RPS18: variants seen among roughly 807,000 people sequenced by gnomAD.
RPS18 encodes small ribosomal subunit protein uS13.
For synonymous variants in RPS18, 64 were observed against 70.9 expected (o/e 0.90, Z 0.49); for missense variants, 49 against 200.8 (o/e 0.24, Z 4.57).
At chr6:33,275,910 T>TG (rs1437314773) in intron 3 of RPS18, 27 bp downstream of exon 3, 1 of 1,600,302 alleles carries the variant, frequency 6.2e-7, no homozygotes, top group South Asian at 1.1e-5. Context: ...GGGCTGGGGG[T>TG]GGGGTCAGCC....
chr6:33,272,802 G>A (rs934881867), intron 2 of RPS18, 76 bp downstream of exon 2: 2 of 805,450 alleles, frequency 2.5e-6, no homozygotes, highest in African/African-American at 1.7e-5. Context: ...AATGAAGCAA[G>A]GCTGGGGAGA....
intron 2 of RPS18, among the ~76,000 whole-genome samples, chr6:33,273,817 C>G (rs548530929): frequency 6.6e-6 from 1 of 152,168 alleles, no homozygotes; most frequent in Non-Finnish European, 1.5e-5. Flanking sequence ...GTGGCTCACT[C>G]GGAGGCTGAA....
chr6:33,276,051 T>C lies in RPS18; in HGVS notation c.276T>C (p.Asp92=), dbSNP rs774624587. The C allele has an allele frequency of 1.2e-5, 19 of 1,613,682 alleles. No homozygotes were observed. Among genetic ancestry groups the C allele is most frequent in the Non-Finnish European group, 1.5e-5 (18 of 1,179,800 alleles). ...WFLNRQKDVK[D]GKYSQVLANG... Reference sequence around the variant, plus strand: ...TGAACAGACAGAAGGATGTAAAGGATGGAAAATACAGCCAGGTGTGTACTG... The same window carrying C: ...TGAACAGACAGAAGGATGTAAAGGACGGAAAATACAGCCAGGTGTGTACTG... The change falls in exon 4 of 6, where the codon GAT becomes GAC. Residue 92 remains aspartate, a synonymous_variant. Transcript: ENST00000439602.
chr6:33,272,430 A>T, intron 1 of RPS18, 198 bp from the exon 2 acceptor site: 1 of 616,152 alleles, frequency 1.6e-6, no homozygotes, highest in South Asian at 1.9e-5. Context: ...CATTTTCCCA[A>T]GCTTGAACGC....
chr6:33,273,887 C>T (rs369911840), intron 2 of RPS18, among the ~76,000 whole-genome samples: 2 of 98,462 alleles, frequency 2.0e-5, no homozygotes, highest in African/African-American at 5.1e-5. Flanking sequence ...GGTGAAACCT[C>T]GTCATTTAAT....
intron 2 of RPS18, among the ~76,000 whole-genome samples, chr6:33,274,409 T>C (rs1186050715): frequency 1.3e-5 from 2 of 151,992 alleles, no homozygotes; most frequent in African/African-American, 4.8e-5. Flanking sequence ...ACTCCTGGGC[T>C]CAGTGATCCT....
At chr6:33,273,672 G>A (rs1450904203) in intron 2 of RPS18, among the ~76,000 whole-genome samples, 1 of 152,188 alleles carries the variant, frequency 6.6e-6, no homozygotes, top group Non-Finnish European at 1.5e-5. Flanking sequence ...ATTCATAAGT[G>A]TAATAGAGAA....
chr6:33,273,194 G>A (rs1012815040), intron 2 of RPS18, among the ~76,000 whole-genome samples: 6 of 152,124 alleles, frequency 3.9e-5, no homozygotes, highest in Non-Finnish European at 5.9e-5. Context: ...GAGGGTGGAA[G>A]AAGTCTGAGT....
chr6:33,274,555 A>G (rs1765501797), intron 2 of RPS18, among the ~76,000 whole-genome samples: 1 of 152,180 alleles, frequency 6.6e-6, no homozygotes, highest in Admixed American at 6.5e-5. Flanking sequence ...TAACAAGTTC[A>G]TATAAACTAA....
intron 1 of RPS18, 136 bp from the exon 2 acceptor site, chr6:33,272,492 C>T (rs1765277511): frequency 6.9e-6 from 5 of 719,968 alleles, no homozygotes; most frequent in Non-Finnish European, 1.3e-5. Context: ...GTGTGAAAAC[C>T]TAAGGAATGG....
chr6:33,272,119 C>T lies in RPS18; in HGVS notation c.-1C>T, dbSNP rs930746014. On this transcript the variant is annotated 5_prime_UTR_variant, in exon 1 of 6. Transcript: ENST00000439602. ...TACACGCCGCCGCTTGTGCTGCAGC[C>T]ATGGTAAGACTGGAATCCGTGCCGT... is the stretch of plus-strand genomic sequence containing the variant. 2.6e-6 allele frequency: 4 copies of T among 1,567,816 alleles called. No homozygotes were observed. Among genetic ancestry groups the T allele is most frequent in the Admixed American group, 3.7e-5 (2 of 53,610 alleles).
chr6:33,273,856 C>T (rs1218807934), intron 2 of RPS18, among the ~76,000 whole-genome samples: 2 of 151,796 alleles, frequency 1.3e-5, no homozygotes, highest in African/African-American at 4.8e-5. Flanking sequence ...GTCAGGAGTT[C>T]GAGACCAGCC....
At chr6:33,273,286 T>A (rs1272919128) in intron 2 of RPS18, among the ~76,000 whole-genome samples, 1 of 152,228 alleles carries the variant, frequency 6.6e-6, no homozygotes, top group Non-Finnish European at 1.5e-5. Context: ...TCTTTGGCTT[T>A]TAAGAATCGA....
intron 2 of RPS18, 93 bp from the exon 3 acceptor site, chr6:33,275,704 C>A: frequency 1.2e-6 from 1 of 850,280 alleles, no homozygotes; most frequent in South Asian, 1.4e-5. Flanking sequence ...TAGATTATTG[C>A]AGATCCTACC....
intron 1 of RPS18, chr6:33,272,419 G>C: frequency 1.6e-6 from 1 of 610,382 alleles, no homozygotes; most frequent in Admixed American, 2.9e-5. Flanking sequence ...TCCAGAGGTT[G>C]CATTTTCCCA....
intron 1 of RPS18, 37 bp from the exon 2 acceptor site, chr6:33,272,591 C>T (rs1294424256): frequency 1.1e-6 from 1 of 900,892 alleles, no homozygotes; most frequent in Non-Finnish European, 1.9e-6. Context: ...TGATAGTTTA[C>T]TGTGTCTGAT....
chr6:33,275,971 C>T lies in RPS18; in HGVS notation c.196C>T (p.Arg66Cys). Residue 66 changes from arginine (R) to cysteine (C), a missense_variant, in exon 4 of 6, where the codon CGT (arginine) becomes TGT (cysteine). Coordinates refer to ENST00000439602, the MANE Select transcript of RPS18 (RefSeq NM_022551.3). ...ACCTTGGTCTGCCTGCCAGGTGGAACGTGTGATCACCATTATGCAGAATCC... is the reference window on the plus strand; with the variant it reads ...ACCTTGGTCTGCCTGCCAGGTGGAATGTGTGATCACCATTATGCAGAATCC... The part of the protein sequence containing the change: ...AGELTEDEVE[R>C]VITIMQNPRQ... 1 of 1,613,952 alleles carries T rather than the reference C, an allele frequency of 6.2e-7. No homozygotes were observed. The highest frequency in any genetic ancestry group is 1.1e-5 in the South Asian group (1 of 91,068).
At chr6:33,273,203 G>A (rs1026268019) in intron 2 of RPS18, among the ~76,000 whole-genome samples, 7 of 151,900 alleles carry the variant, frequency 4.6e-5, no homozygotes, top group African/African-American at 1.5e-4. Flanking sequence ...AGAAGTCTGA[G>A]TGGGACATTT....
chr6:33,276,318 A>T, intron 5 of RPS18, 51 bp downstream of exon 5: 4 of 1,603,392 alleles, frequency 2.5e-6, no homozygotes, highest in Non-Finnish European at 2.6e-6. Context: ...CATTCCTCCT[A>T]CTCGCTCTTC....
Sources: allele counts gnomAD v4.1 joint callset (sites outside exome capture counted in the v4.1 genomes callset), GRCh38; gene constraint gnomAD v4.1.1; transcripts MANE v1.5; gene names NCBI Gene and HGNC (gene_info 2026-07-23, HGNC 2026-07-21).